The following NETO2 variants were observed in gnomAD, a reference collection of about 807,000 sequenced individuals.
The protein encoded by NETO2 is neuropilin and tolloid-like protein 2.
In NETO2, 28 loss-of-function variants were observed where a neutral mutation model predicts 62.5. The observed-to-expected ratio is 0.45, with a 90% CI of 0.33 to 0.61. The LOEUF (loss-of-function observed/expected upper bound fraction) is 0.61, where lower values mean the gene tolerates loss of function less well. Among genes scored for constraint, NETO2 ranks in the 20% least tolerant of loss-of-function variants. NETO2 has a pLI of 0.02. For missense variants in NETO2, 548 were observed against 643.2 expected (o/e 0.85, Z 1.60); for synonymous variants, 214 against 219.1 (o/e 0.98, Z 0.21).
At chr16:47,092,406 T>C (rs1244257623) in intron 7 of NETO2, among the ~76,000 whole-genome samples, 2 of 152,208 alleles carry the variant, frequency 1.3e-5, no homozygotes, top group African/African-American at 2.4e-5. Flanking sequence ...CATTTTAACA[T>C]ATAGCATAAA....
At chr16:47,118,150 G>A (rs150161105) in intron 6 of NETO2, among the ~76,000 whole-genome samples, 13 of 152,076 alleles carry the variant, frequency 8.5e-5, no homozygotes, top group Non-Finnish European at 1.5e-4. Flanking sequence ...TTTTGGTTCT[G>A]CAGACAATCA....
At chr16:47,101,539 T>C (rs1963543683) in intron 7 of NETO2, among the ~76,000 whole-genome samples, 1 of 152,194 alleles carries the variant, frequency 6.6e-6, no homozygotes, top group South Asian at 2.1e-4. Flanking sequence ...GAAAACCCCA[T>C]CGTCTCAGCC....
At chr16:47,134,853 C>A (rs533759788) in intron 1 of NETO2, among the ~76,000 whole-genome samples, 1 of 152,218 alleles carries the variant, frequency 6.6e-6, no homozygotes, top group South Asian at 2.1e-4. Context: ...ACAGAATACA[C>A]AAGTAAGGCA....
chr16:47,117,591 T>G (rs1213802003), intron 6 of NETO2, among the ~76,000 whole-genome samples: 4 of 152,210 alleles, frequency 2.6e-5, no homozygotes, highest in Non-Finnish European at 4.4e-5. Flanking sequence ...TTCTACTGAT[T>G]CAAGTTCAGT....
chr16:47,099,328 G>A (rs1596711303), intron 7 of NETO2, among the ~76,000 whole-genome samples: 1 of 152,276 alleles, frequency 6.6e-6, no homozygotes, highest in South Asian at 2.1e-4. Flanking sequence ...ATATGGAAAG[G>A]AAAAACTGGT....
At chr16:47,088,504 T>C (rs1963245235) in intron 7 of NETO2, among the ~76,000 whole-genome samples, 1 of 152,234 alleles carries the variant, frequency 6.6e-6, no homozygotes, top group African/African-American at 2.4e-5. Context: ...AAATATTTGC[T>C]GCACCAAGGA....
At chr16:47,115,373 ATTTAC>A (rs1963889902) in intron 6 of NETO2, among the ~76,000 whole-genome samples, 1 of 152,082 alleles carries the variant, frequency 6.6e-6, no homozygotes, top group African/African-American at 2.4e-5. Context: ...GACACAGTAT[ATTTAC>A]TTAGGTCATC....
intron 1 of NETO2, among the ~76,000 whole-genome samples, chr16:47,134,761 G>T (rs1431873619): frequency 6.6e-6 from 1 of 152,208 alleles, no homozygotes; most frequent in East Asian, 1.9e-4. Flanking sequence ...ATGGCAAAGG[G>T]ATGAACTGTG....
rs1963048754 is a variant in NETO2 at position 47,080,789 on chromosome 16, A to G, written c.*2432T>C. 3 of 152,236 alleles carry G rather than the reference A, an allele frequency of 2.0e-5. No individual in the cohort carries two copies. The highest frequency in any genetic ancestry group is 7.2e-5 in the African/African-American group (3 of 41,462). 9.4% of individuals were successfully genotyped at this position (152,236 alleles called of 1,614,324 possible). ...CTTCACTGGGTTAAGAAGCACCATT[A>G]TAACCTCTGTCTCCATTTTGCATCT... On this transcript the variant is annotated 3_prime_UTR_variant, in exon 9 of 9. Transcript: ENST00000562435.
chr16:47,087,259 C>T (rs59992453), intron 7 of NETO2, among the ~76,000 whole-genome samples: 17,369 of 152,072 alleles, frequency 0.11, 2,085 homozygotes, highest in African/African-American at 0.31. Flanking sequence ...CTCCTGACCT[C>T]GTGATCCACC....
Position 47,080,695 on chromosome 16 carries a change from T to C in NETO2, c.*2526A>G, listed in dbSNP as rs1963047628. Reference sequence around the variant, plus strand: ...CTGGCTTAGCTATTGATCATCTGGTTCTTTAGTTCTATCCCTGAAAATACA... The same window carrying C: ...CTGGCTTAGCTATTGATCATCTGGTCCTTTAGTTCTATCCCTGAAAATACA... On this transcript the variant is annotated 3_prime_UTR_variant, in exon 9 of 9. Coordinates refer to ENST00000562435, the MANE Select transcript of NETO2 (RefSeq NM_018092.5). 1 of 152,212 alleles carries C rather than the reference T, an allele frequency of 6.6e-6. No homozygotes were observed. The highest frequency in any genetic ancestry group is 1.5e-5 in the Non-Finnish European group (1 of 68,028). The allele number at this position is 152,212 out of a possible 1,614,324, so 9.4% of individuals were successfully genotyped here. A position where few individuals can be genotyped will look rare whatever the true frequency, so the allele number is the denominator to read the frequency against.
intron 6 of NETO2, among the ~76,000 whole-genome samples, chr16:47,119,851 C>T (rs1034064437): frequency 6.6e-6 from 1 of 152,150 alleles, no homozygotes; most frequent in Admixed American, 6.5e-5. Context: ...AATTGCATTT[C>T]TGTCACATGA....
chr16:47,136,443 T>C lies in NETO2; in HGVS notation c.35-4418A>G, dbSNP rs528771326. Among the ~76,000 whole-genome samples, 275 of 152,376 alleles carry C rather than the reference T, an allele frequency of 1.8e-3. 11 individuals carry two copies. In the South Asian group the frequency reaches 0.029, roughly 16 times the overall value. On this transcript the variant is annotated intron_variant, in intron 1 of 8. Transcript: ENST00000562435. ...TTGACTGATTGAGACAGTCTCACTC[T>C]GTCGCCTATGCTGGAGTGCAGTGGC...
chr16:47,136,948 A>T (rs1486935399), intron 1 of NETO2, among the ~76,000 whole-genome samples: 1 of 152,144 alleles, frequency 6.6e-6, no homozygotes, highest in Non-Finnish European at 1.5e-5. Context: ...TAAATGGGGG[A>T]AAAAAGATTA....
intron 1 of NETO2, among the ~76,000 whole-genome samples, chr16:47,133,818 G>C (rs1964318037): frequency 6.6e-6 from 1 of 152,084 alleles, no homozygotes; most frequent in African/African-American, 2.4e-5. Flanking sequence ...ATGCTAAAAA[G>C]TGTGGACTTC....
intron 7 of NETO2, among the ~76,000 whole-genome samples, chr16:47,100,502 A>G (rs1279987692): frequency 6.6e-6 from 1 of 152,144 alleles, no homozygotes; most frequent in Admixed American, 6.6e-5. Flanking sequence ...AACAAAAGCA[A>G]TGAGTCCAGG....
At chr16:47,101,851 T>C (rs1963553755) in intron 7 of NETO2, among the ~76,000 whole-genome samples, 1 of 152,174 alleles carries the variant, frequency 6.6e-6, no homozygotes, top group Non-Finnish European at 1.5e-5. Context: ...AAAATGGCCA[T>C]ACTGCCCAAA....
At chr16:47,086,698 A>C (rs1432325086) in intron 7 of NETO2, among the ~76,000 whole-genome samples, 2 of 152,196 alleles carry the variant, frequency 1.3e-5, no homozygotes, top group African/African-American at 4.8e-5. Context: ...GTGAGAATGT[A>C]AGATGGTGCA....
intron 7 of NETO2, among the ~76,000 whole-genome samples, chr16:47,088,541 A>G (rs1164022391): frequency 1.3e-5 from 2 of 152,244 alleles, no homozygotes; most frequent in Non-Finnish European, 2.9e-5. Flanking sequence ...GCTCTATGTT[A>G]TACTGACATA....
Sources: gnomAD v4.1 joint callset for allele counts (sites outside exome capture counted in the v4.1 genomes callset) on GRCh38, gnomAD v4.1.1 for gene constraint, MANE v1.5 for transcripts, NCBI Gene and HGNC (gene_info 2026-07-23, HGNC 2026-07-21) for gene names.